SLC8A1: variants seen among roughly 807,000 people sequenced by gnomAD.
SLC8A1 encodes the protein sodium/calcium exchanger 1.
In SLC8A1, 18 loss-of-function variants were observed where a neutral mutation model predicts 68.3. The ratio of observed to expected loss-of-function variants is 0.26; its 90% CI spans 0.18 to 0.39. SLC8A1 has a LOEUF of 0.39. Among genes scored for constraint, SLC8A1 ranks in the 10% least tolerant of loss-of-function variants. The pLI is 1.00. For synonymous variants in SLC8A1, 475 were observed against 415.5 expected (o/e 1.14, Z -1.74); for missense variants, 985 against 1,156.7 (o/e 0.85, Z 2.15).
At chr2:40,131,453 T>A (rs2148206998) in intron 7 of SLC8A1, among the ~76,000 whole-genome samples, 1 of 152,294 alleles carries the variant, frequency 6.6e-6, no homozygotes, top group South Asian at 2.1e-4. Flanking sequence ...TCAAGGGAGC[T>A]CAGAATTCAG....
chr2:40,252,671 C>T (rs2062956474), intron 2 of SLC8A1, among the ~76,000 whole-genome samples: 1 of 151,694 alleles, frequency 6.6e-6, no homozygotes. Context: ...TGTTTCTCTC[C>T]AGACCTGTCA....
In SLC8A1 at chr2:40,126,306, A is replaced by AT. The variant is rs11418690; in HGVS notation, c.2438-10678dup. Among the ~76,000 whole-genome samples the AT allele has an allele frequency of 7.2e-3, 1,096 of 152,280 alleles. 14 individuals are homozygous for AT. The highest frequency in any genetic ancestry group is 0.025 in the African/African-American group (1,046 of 41,560). ...ATATAAATGTAGTTACTATGAAAGC[A>AT]TTTTTTATGTGTGTGTGTTAAATGC... is the stretch of plus-strand genomic sequence containing the variant. On this transcript the variant is annotated intron_variant, in intron 7 of 7. Transcript: ENST00000406785.
intron 2 of SLC8A1, chr2:40,209,011 T>G: frequency 6.6e-6 from 1 of 152,090 alleles, no homozygotes; most frequent in Admixed American, 6.6e-5. Context: ...CCAGACACTG[T>G]TCTGAGAACT....
At chr2:40,187,484 C>T (rs1262659096) in intron 2 of SLC8A1, among the ~76,000 whole-genome samples, 4 of 151,402 alleles carry the variant, frequency 2.6e-5, no homozygotes, top group African/African-American at 4.9e-5. Flanking sequence ...TCCTGCTGTT[C>T]CCAGGGAGAC....
intron 6 of SLC8A1, among the ~76,000 whole-genome samples, chr2:40,159,308 G>T (rs946034382): frequency 2.0e-5 from 3 of 152,310 alleles, no homozygotes; most frequent in African/African-American, 7.2e-5. Context: ...TCGCTGTCAT[G>T]TGCCTTGCAC....
intron 2 of SLC8A1, among the ~76,000 whole-genome samples, chr2:40,364,008 C>T (rs1675316754): frequency 6.6e-6 from 1 of 151,882 alleles, no homozygotes; most frequent in South Asian, 2.1e-4. Context: ...TCAGAATAAC[C>T]CTGGATGTTT....
chr2:40,118,206 T>C (rs1279333892), intron 7 of SLC8A1: 1 of 152,190 alleles, frequency 6.6e-6, no homozygotes, highest in African/African-American at 2.4e-5. Context: ...TTGGATAGGG[T>C]CTTAGCAAAT....
In SLC8A1 at chr2:40,146,013, C is replaced by T. The variant is rs1157808525; in HGVS notation, c.2162-6337G>A. On this transcript the variant is annotated intron_variant, in intron 6 of 7. Coordinates refer to ENST00000406785, the Ensembl canonical transcript of SLC8A1. The stretch of plus-strand genomic sequence containing the variant: ...GATGTGCAATAAACATTTCTCTATA[C>T]CTTAATTGGTGGGAAGTACTTAACA... 7.0e-4 allele frequency among the ~76,000 whole-genome samples: 107 copies of T among 152,204 alleles called. 3 individuals carry two copies. Among genetic ancestry groups the T allele is most frequent in the Admixed American group, 7.0e-3 (107 of 15,288 alleles).
At position 40,150,517 on chromosome 2, in the gene SLC8A1, C is replaced by G. The variant is rs148513911; in HGVS notation, c.2161+10248G>C. Among the ~76,000 whole-genome samples the G allele has an allele frequency of 5.4e-4, 82 of 152,310 alleles. 3 individuals are homozygous for G. In the East Asian group the frequency reaches 0.015, roughly 29 times the overall value. On this transcript the variant is annotated intron_variant, in intron 6 of 7. Coordinates refer to ENST00000406785, the Ensembl canonical transcript of SLC8A1. ...CTTGATTTGCAAGCAACAACTAAAA[C>G]TGTATTCACATTGCAGCAGCCCATG...
At chr2:40,434,239 A>T (rs189679030) in intron 1 of SLC8A1, among the ~76,000 whole-genome samples, 5 of 152,312 alleles carry the variant, frequency 3.3e-5, no homozygotes, top group African/African-American at 1.2e-4. Flanking sequence ...CATTACAATT[A>T]TATTCAAAAG....
intron 2 of SLC8A1, among the ~76,000 whole-genome samples, chr2:40,197,770 C>G (rs150050268): frequency 1.9e-3 from 133 of 68,550 alleles, no homozygotes; most frequent in African/African-American, 5.2e-3. Flanking sequence ...CTTTTCTCCA[C>G]TTTCTATGGA....
chr2:40,194,529 G>T, intron 2 of SLC8A1, among the ~76,000 whole-genome samples: 1 of 148,550 alleles, frequency 6.7e-6, no homozygotes, highest in Non-Finnish European at 1.5e-5. Context: ...AAAACGAGAG[G>T]GAGAAGGAAA....
chr2:40,348,638 C>G (rs752057902), intron 2 of SLC8A1, among the ~76,000 whole-genome samples: 4 of 152,100 alleles, frequency 2.6e-5, no homozygotes, highest in Admixed American at 1.3e-4. Flanking sequence ...CTCAGAAGTA[C>G]GGGGATGGGT....
At chr2:40,481,784 C>T (rs1359663063) in intron 1 of SLC8A1, among the ~76,000 whole-genome samples, 2 of 152,150 alleles carry the variant, frequency 1.3e-5, no homozygotes, top group East Asian at 1.9e-4. Context: ...ATGTCTCCAT[C>T]GTTTCTGTCT....
intron 2 of SLC8A1, among the ~76,000 whole-genome samples, chr2:40,255,918 A>G (rs563605742): frequency 6.6e-6 from 1 of 151,438 alleles, no homozygotes; most frequent in Admixed American, 6.6e-5. Context: ...CTCTGGCACC[A>G]TCCTTGAGTC....
chr2:40,437,887 T>C (rs1699734915), intron 1 of SLC8A1, among the ~76,000 whole-genome samples: 1 of 152,166 alleles, frequency 6.6e-6, no homozygotes, highest in Admixed American at 6.5e-5. Flanking sequence ...GCTTGTATTC[T>C]AGTGGGGCAC....
At chr2:40,382,869 G>C (rs569114645) in intron 2 of SLC8A1, among the ~76,000 whole-genome samples, 19 of 152,108 alleles carry the variant, frequency 1.2e-4, no homozygotes, top group African/African-American at 4.6e-4. Flanking sequence ...TTAACTACCA[G>C]GAATATAAGA....
chr2:40,309,357 C>A (rs1461304265), intron 2 of SLC8A1, among the ~76,000 whole-genome samples: 1 of 151,564 alleles, frequency 6.6e-6, no homozygotes, highest in Non-Finnish European at 1.5e-5. Context: ...GTGCTTCAGG[C>A]TTTGGAAGGC....
intron 2 of SLC8A1, among the ~76,000 whole-genome samples, chr2:40,301,041 G>C (rs2071364151): frequency 6.6e-6 from 1 of 152,082 alleles, no homozygotes; most frequent in South Asian, 2.1e-4. Context: ...GGATATAGAG[G>C]AAGAAAAACG....
Sources: gnomAD v4.1 joint callset for allele counts (sites outside exome capture counted in the v4.1 genomes callset) on GRCh38, gnomAD v4.1.1 for gene constraint, MANE v1.5 for transcripts, NCBI Gene and HGNC (gene_info 2026-07-23, HGNC 2026-07-21) for gene names.